KCNQ5: variants seen among roughly 807,000 people sequenced by gnomAD.
KCNQ5 encodes potassium voltage-gated channel subfamily KQT member 5.
Under a neutral mutation model 98.2 loss-of-function variants are expected in KCNQ5, and 30 were observed. That is an observed-to-expected ratio of 0.31 (90% CI 0.23 to 0.41). The LOEUF (loss-of-function observed/expected upper bound fraction) is 0.41. KCNQ5 is among the 10% of genes least tolerant of loss of function. The probability of loss-of-function intolerance (pLI) is 1.00; values close to 1 mark genes in which losing one functional copy is unlikely to be tolerated. For synonymous variants in KCNQ5, 458 were observed against 449.4 expected (o/e 1.02, Z -0.24); for missense variants, 835 against 1,182.5 (o/e 0.71, Z 4.31).
chr6:72,681,487 C>G (rs1269613340), intron 1 of KCNQ5, among the ~76,000 whole-genome samples: 1 of 152,104 alleles, frequency 6.6e-6, no homozygotes, highest in African/African-American at 2.4e-5. Flanking sequence ...AGTAACAGAA[C>G]TGAAATTCAA....
At chr6:72,960,499 G>A (rs942760126) in intron 1 of KCNQ5, among the ~76,000 whole-genome samples, 2 of 151,998 alleles carry the variant, frequency 1.3e-5, no homozygotes, top group Admixed American at 6.6e-5. Flanking sequence ...GGGCGATCTC[G>A]GCTCACTGCA....
chr6:72,955,594 G>GTT (rs1262327673), intron 1 of KCNQ5, among the ~76,000 whole-genome samples: 1 of 152,170 alleles, frequency 6.6e-6, no homozygotes, highest in Non-Finnish European at 1.5e-5. Flanking sequence ...TATTTGTTGG[G>GTT]TTACTTGGGA....
At chr6:72,810,037 C>A (rs1488344355) in intron 1 of KCNQ5, among the ~76,000 whole-genome samples, 1 of 152,222 alleles carries the variant, frequency 6.6e-6, no homozygotes, top group African/African-American at 2.4e-5. Flanking sequence ...CATCTCCCGA[C>A]TGCTTCATTA....
chr6:73,022,707 G>A (rs751298680), intron 2 of KCNQ5, among the ~76,000 whole-genome samples: 2 of 152,134 alleles, frequency 1.3e-5, no homozygotes, highest in Non-Finnish European at 2.9e-5. Context: ...TTAAATGAGA[G>A]GACCTAAGTA....
intron 1 of KCNQ5, among the ~76,000 whole-genome samples, chr6:72,625,527 G>A (rs911771222): frequency 2.2e-4 from 33 of 152,192 alleles, no homozygotes; most frequent in African/African-American, 8.0e-4. Context: ...AATAATGAGG[G>A]TAGTAGGGGG....
chr6:72,651,760 A>C (rs1384093255), intron 1 of KCNQ5, among the ~76,000 whole-genome samples: 2 of 152,032 alleles, frequency 1.3e-5, no homozygotes, highest in African/African-American at 2.4e-5. Flanking sequence ...GTACACCTTT[A>C]AACTACTAAT....
chr6:72,662,596 G>A (rs1766586587), intron 1 of KCNQ5, among the ~76,000 whole-genome samples: 2 of 132,444 alleles, frequency 1.5e-5, no homozygotes, highest in African/African-American at 6.0e-5. Flanking sequence ...AGGTTAACTT[G>A]GAAATAACTT....
chr6:72,687,414 A>G (rs929427648), intron 1 of KCNQ5, among the ~76,000 whole-genome samples: 4 of 152,204 alleles, frequency 2.6e-5, no homozygotes, highest in African/African-American at 9.7e-5. Flanking sequence ...TGCTCCAAAC[A>G]CTATCCTGAG....
chr6:73,077,582 A>G lies in KCNQ5; in HGVS notation c.792+85A>G, dbSNP rs1234369472. 2.1e-6 allele frequency: 3 copies of G among 1,434,952 alleles called. No homozygotes were observed. The African/African-American group carries it at 4.3e-5, about 21-fold the overall frequency. The allele number at this position is 1,434,952 out of a possible 1,614,324, so 88.9% of individuals were successfully genotyped here. A position where few individuals can be genotyped will look rare whatever the true frequency, so the allele number is the denominator to read the frequency against. On this transcript the variant is annotated intron_variant, in intron 4 of 13. Transcript: ENST00000370398. ...TAATAGTTAATAAACCTGTCACAAG[A>G]AAACTTAGTCATTGCAGAAAATGGT...
intron 1 of KCNQ5, among the ~76,000 whole-genome samples, chr6:72,872,836 C>A (rs1052998885): frequency 9.9e-5 from 15 of 151,934 alleles, no homozygotes; most frequent in Non-Finnish European, 1.9e-4. Flanking sequence ...ATACTGTCAA[C>A]CAAAAAACCT....
At chr6:72,969,014 T>C (rs1345792760) in intron 1 of KCNQ5, among the ~76,000 whole-genome samples, 1 of 152,216 alleles carries the variant, frequency 6.6e-6, no homozygotes, top group Non-Finnish European at 1.5e-5. Flanking sequence ...ATAGCCAACT[T>C]GGGTTTCCTA....
chr6:73,131,251 A>G (rs1776224579), intron 9 of KCNQ5, among the ~76,000 whole-genome samples: 1 of 152,226 alleles, frequency 6.6e-6, no homozygotes, highest in Admixed American at 6.5e-5. Flanking sequence ...TTAGTAATTG[A>G]ATTTTTTTAA....
At chr6:72,735,556 T>C (rs1407676237) in intron 1 of KCNQ5, among the ~76,000 whole-genome samples, 2 of 152,136 alleles carry the variant, frequency 1.3e-5, no homozygotes, top group Admixed American at 1.3e-4. Flanking sequence ...AAAATGACTA[T>C]GTATCTTTAA....
intron 1 of KCNQ5, among the ~76,000 whole-genome samples, chr6:72,635,797 A>G (rs993605587): frequency 2.0e-5 from 3 of 149,912 alleles, no homozygotes; most frequent in Non-Finnish European, 4.4e-5. Context: ...TTCTTAAGAG[A>G]TGCATTGAAT....
chr6:72,734,296 A>G (rs1027937298), intron 1 of KCNQ5, among the ~76,000 whole-genome samples: 3 of 151,844 alleles, frequency 2.0e-5, no homozygotes, highest in Admixed American at 6.6e-5. Flanking sequence ...TTTTTTAAAC[A>G]TGTTCAATAA....
At chr6:73,123,108 A>G (rs1468141131) in intron 8 of KCNQ5, among the ~76,000 whole-genome samples, 1 of 151,888 alleles carries the variant, frequency 6.6e-6, no homozygotes, top group Non-Finnish European at 1.5e-5. Context: ...AGGCACTGAG[A>G]ATGAAGCAGT....
intron 1 of KCNQ5, among the ~76,000 whole-genome samples, chr6:72,698,655 T>C (rs1326157112): frequency 3.3e-4 from 42 of 126,604 alleles, no homozygotes; most frequent in African/African-American, 1.6e-3. Context: ...CTTCTTTTTT[T>C]TTTTTTTTTT....
intron 1 of KCNQ5, among the ~76,000 whole-genome samples, chr6:72,814,784 TAAG>T (rs1775420033): frequency 6.6e-6 from 1 of 152,230 alleles, no homozygotes; most frequent in African/African-American, 2.4e-5. Context: ...CACAGTGACA[TAAG>T]AAGAATTAAT....
intron 1 of KCNQ5, among the ~76,000 whole-genome samples, chr6:72,846,677 T>C (rs1562021221): frequency 1.3e-5 from 2 of 152,104 alleles, no homozygotes; most frequent in African/African-American, 4.8e-5. Flanking sequence ...AGGCTCTTTC[T>C]AAAAAAAGGA....
Sources: allele counts gnomAD v4.1 joint callset (sites outside exome capture counted in the v4.1 genomes callset), GRCh38; gene constraint gnomAD v4.1.1; transcripts MANE v1.5; gene names NCBI Gene and HGNC (gene_info 2026-07-23, HGNC 2026-07-21).